The following ASIC2 variants were observed in gnomAD, a reference collection of about 807,000 sequenced individuals.
The protein encoded by ASIC2 is acid sensing ion channel subunit 2.
ASIC2 carries 25 observed loss-of-function variants against 57.3 expected under a neutral mutation model. That is an observed-to-expected ratio of 0.44 (90% CI 0.32 to 0.61). The LOEUF (loss-of-function observed/expected upper bound fraction) is 0.61, where lower values mean the gene tolerates loss of function less well. ASIC2 is among the 20% of genes least tolerant of loss of function. The pLI, the probability that ASIC2 is intolerant of heterozygous loss-of-function variation, is 0.06. For synonymous variants in ASIC2, 319 were observed against 307.5 expected (o/e 1.04, Z -0.39); for missense variants, 641 against 738.1 (o/e 0.87, Z 1.52).
chr17:33,317,343 G>A (rs1906697809), intron 1 of ASIC2, among the ~76,000 whole-genome samples: 1 of 152,174 alleles, frequency 6.6e-6, no homozygotes, highest in Admixed American at 6.5e-5. Context: ...CCTCCAAAAT[G>A]CTCTCCTGCG....
At chr17:33,693,207 AT>A (rs1908427198) in intron 1 of ASIC2, among the ~76,000 whole-genome samples, 1 of 152,146 alleles carries the variant, frequency 6.6e-6, no homozygotes. Context: ...TCTTTTAAAA[AT>A]ATCCTAACAT....
chr17:33,586,509 G>T (rs1904637663), intron 1 of ASIC2, among the ~76,000 whole-genome samples: 1 of 152,000 alleles, frequency 6.6e-6, no homozygotes, highest in South Asian at 2.1e-4. Context: ...AAAATCCATG[G>T]TTCTTCCCAG....
At chr17:33,317,989 G>A (rs745966839) in intron 1 of ASIC2, among the ~76,000 whole-genome samples, 1 of 151,842 alleles carries the variant, frequency 6.6e-6, no homozygotes, top group Non-Finnish European at 1.5e-5. Context: ...GAAGCTCCTA[G>A]GGAATGAAAC....
At chr17:34,136,257 C>T (rs577687387) in intron 1 of ASIC2, among the ~76,000 whole-genome samples, 12 of 152,298 alleles carry the variant, frequency 7.9e-5, no homozygotes, top group Admixed American at 2.6e-4. Context: ...AATACATTTT[C>T]TTTGACTTAT....
chr17:33,865,748 TAA>T (rs763976115), intron 1 of ASIC2, among the ~76,000 whole-genome samples: 16 of 52,432 alleles, frequency 3.1e-4, no homozygotes, highest in African/African-American at 1.1e-3. Flanking sequence ...TAGAGTATAA[TAA>T]AAAAAAAATA....
chr17:33,643,432 C>T (rs536981848), intron 1 of ASIC2, among the ~76,000 whole-genome samples: 2 of 152,310 alleles, frequency 1.3e-5, no homozygotes, highest in South Asian at 2.1e-4. Context: ...TCAACTTGCA[C>T]CACCCTTTAG....
At chr17:33,800,361 C>G (rs977788149) in intron 1 of ASIC2, among the ~76,000 whole-genome samples, 2 of 152,130 alleles carry the variant, frequency 1.3e-5, no homozygotes, top group South Asian at 4.1e-4. Flanking sequence ...GGTTTGGGAC[C>G]AAGACCTATA....
chr17:33,996,929 CTATAGATCA>C (rs1380611033), intron 1 of ASIC2, among the ~76,000 whole-genome samples: 2 of 152,114 alleles, frequency 1.3e-5, no homozygotes, highest in African/African-American at 4.8e-5. Context: ...TTCACTGAAT[CTATAGATCA>C]CTTTGGATAG....
chr17:33,440,619 C>T (rs1041667579), intron 1 of ASIC2, among the ~76,000 whole-genome samples: 2 of 152,206 alleles, frequency 1.3e-5, no homozygotes, highest in South Asian at 4.1e-4. Context: ...CTCATCAACA[C>T]GAAGTATATC....
chr17:33,471,484 G>A (rs187909235), intron 1 of ASIC2, among the ~76,000 whole-genome samples: 1 of 152,234 alleles, frequency 6.6e-6, no homozygotes, highest in East Asian at 1.9e-4. Context: ...AGATAAATTG[G>A]ATTTGATCGC....
rs561400949 is a variant in ASIC2 at position 33,305,024 on chromosome 17, A to G, written c.556-192957T>C. ...CAGTTGAGCGGCAGTATAAGGAGATAAGAAAAATACCCTTTGAGGAATCAA... is the reference window on the plus strand; with the variant it reads ...CAGTTGAGCGGCAGTATAAGGAGATGAGAAAAATACCCTTTGAGGAATCAA... On this transcript the variant is annotated intron_variant, in intron 1 of 9. Transcript: ENST00000359872. Among the ~76,000 whole-genome samples, 149 of 152,276 alleles carry G rather than the reference A, an allele frequency of 9.8e-4. 1 individual carries two copies. Among genetic ancestry groups the G allele is most frequent in the African/African-American group, 3.4e-3 (142 of 41,552 alleles).
rs956165725 is a variant in ASIC2 at position 33,966,834 on chromosome 17, T to C, written c.555+189144A>G. Among the ~76,000 whole-genome samples the C allele has an allele frequency of 2.6e-5, 4 of 152,242 alleles. No individual in the cohort carries two copies. The East Asian group carries it at 7.7e-4, about 29-fold the overall frequency. Reference sequence around the variant, plus strand: ...TGTTTTATCCTTAGCTTCCGCAATCTGGAAATGTGCTTTGCACTGATAATT... The same window carrying C: ...TGTTTTATCCTTAGCTTCCGCAATCCGGAAATGTGCTTTGCACTGATAATT... On this transcript the variant is annotated intron_variant, in intron 1 of 9. Coordinates refer to the ASIC2 transcript ENST00000359872.
At chr17:33,111,789 G>A in intron 2 of ASIC2, 128 bp downstream of exon 2, 1 of 1,323,622 alleles carries the variant, frequency 7.6e-7, no homozygotes, top group Non-Finnish European at 1.0e-6. Context: ...TGATCTAGCA[G>A]CATGTCACAA....
intron 1 of ASIC2, among the ~76,000 whole-genome samples, chr17:33,531,987 G>C (rs905033556): frequency 6.6e-6 from 1 of 152,128 alleles, no homozygotes; most frequent in African/African-American, 2.4e-5. Flanking sequence ...TGTATGGGAA[G>C]GGTTGAGCGA....
At chr17:33,124,289 TTC>T (rs2092314626) in intron 1 of ASIC2, among the ~76,000 whole-genome samples, 1 of 152,220 alleles carries the variant, frequency 6.6e-6, no homozygotes, top group African/African-American at 2.4e-5. Context: ...CCATCACAGA[TTC>T]ACAAATGCAG....
intron 1 of ASIC2, among the ~76,000 whole-genome samples, chr17:33,188,308 A>C (rs777306911): frequency 6.6e-6 from 1 of 152,152 alleles, no homozygotes; most frequent in African/African-American, 2.4e-5. Flanking sequence ...AAAATAATGG[A>C]GTATCTGTGA....
At chr17:33,970,702 T>C (rs1413587375) in intron 1 of ASIC2, among the ~76,000 whole-genome samples, 1 of 152,198 alleles carries the variant, frequency 6.6e-6, no homozygotes, top group Non-Finnish European at 1.5e-5. Context: ...TAAGCACTCA[T>C]TGAGGCTATG....
intron 1 of ASIC2, among the ~76,000 whole-genome samples, chr17:33,895,847 A>C (rs1256487883): frequency 1.3e-5 from 2 of 152,210 alleles, no homozygotes; most frequent in East Asian, 3.8e-4. Context: ...CATGGACTCT[A>C]GGTCCCATAA....
chr17:33,453,145 T>C lies in ASIC2; in HGVS notation c.556-341078A>G, dbSNP rs200767302. Among the ~76,000 whole-genome samples, 14 of 152,250 alleles carry C rather than the reference T, an allele frequency of 9.2e-5. No homozygotes were observed. In the East Asian group the frequency reaches 2.7e-3, roughly 29 times the overall value. On this transcript the variant is annotated intron_variant, in intron 1 of 9. Transcript: ENST00000359872. The stretch of plus-strand genomic sequence containing the variant: ...TTCCTCCTCTGCAATTCTCACAGTA[T>C]GTGTACATGTTTGTGGGGTCTGAGA...
Sources: allele counts gnomAD v4.1 joint callset (sites outside exome capture counted in the v4.1 genomes callset), GRCh38; gene constraint gnomAD v4.1.1; transcripts MANE v1.5; gene names NCBI Gene and HGNC (gene_info 2026-07-23, HGNC 2026-07-21).